BRCA2: variants seen among roughly 807,000 people sequenced by gnomAD.
BRCA2 encodes BRCA2 DNA repair associated.
A neutral mutation model predicts 276.7 loss-of-function variants in BRCA2; 203 were observed. That is an observed-to-expected ratio of 0.73 (90% CI 0.65 to 0.82). The LOEUF (loss-of-function observed/expected upper bound fraction) is 0.82. Among genes scored for constraint, BRCA2 ranks in the 40% least tolerant of loss-of-function variants. The probability of loss-of-function intolerance (pLI) is 0.00; values close to 1 mark genes in which losing one functional copy is unlikely to be tolerated. For missense variants in BRCA2, 3,920 were observed against 3,915.0 expected, an observed-to-expected ratio of 1.00 and a Z score of -0.03; for synonymous variants, 1,289 against 1,338.4, an observed-to-expected ratio of 0.96 and a Z score of 0.81.
chr13:32,320,129 G>T (rs11571588), intron 3 of BRCA2, among the ~76,000 whole-genome samples: 3 of 152,198 alleles, frequency 2.0e-5, no homozygotes, highest in Admixed American at 6.5e-5. Context: ...GTTGGCTTTG[G>T]TTGTTTTGTG....
chr13:32,386,494 AAC>A (rs1322821572), intron 24 of BRCA2, among the ~76,000 whole-genome samples: 2 of 151,764 alleles, frequency 1.3e-5, no homozygotes, highest in East Asian at 1.9e-4. Context: ...GTAATTATTG[AAC>A]AGTTACTCAA....
chr13:32,351,185 C>G (rs1162149077), intron 13 of BRCA2, among the ~76,000 whole-genome samples: 1 of 152,318 alleles, frequency 6.6e-6, no homozygotes, highest in South Asian at 2.1e-4. Flanking sequence ...TGCTGCTGCT[C>G]ACTCTTTAGT....
rs150075007 is a variant in BRCA2 at position 32,395,918 on chromosome 13, T to G, written c.9502-980T>G. ...TTCATTATTTAGTTCCCATACAGCA[T>G]ATCTACTGTTTACACCCCACATTTT... On this transcript the variant is annotated intron_variant, in intron 25 of 26. Transcript: ENST00000380152. 1.3e-3 allele frequency: 335 copies of G among 248,632 alleles called. 7 individuals carry two copies. In the East Asian group the frequency reaches 0.034, roughly 25 times the overall value. The allele number at this position is 248,632 out of a possible 1,614,324, so 15.4% of individuals were successfully genotyped here. A position where few individuals can be genotyped will look rare whatever the true frequency, so the allele number is the denominator to read the frequency against.
At position 32,354,877 on chromosome 13, in the gene BRCA2, C is replaced by G. The variant is rs80358928; in HGVS notation, c.7024C>G (p.Gln2342Glu). Reference protein sequence around the residue: ...CVPFRTTKERQEIQNPNFTAP... With the variant: ...CVPFRTTKEREEIQNPNFTAP... ...CCATTGCAGCACAACTAAGGAACGT[C>G]AAGAGATACAGAATCCAAATTTTAC... The change falls in exon 14 of 27, where the codon CAA becomes GAA. Residue 2342 changes from glutamine (Q) to glutamate (E), a missense_variant. Physicochemically the swap from Gln to Glu is conservative, Grantham distance 29. Around this residue, in one of 2 missense-constraint regions of BRCA2, gnomAD observed 3,263 missense variants for 3,156.9 expected, o/e 1.03. Transcript: ENST00000380152. The G allele has an allele frequency of 1.2e-6, 2 of 1,600,492 alleles. No homozygotes were observed. Among genetic ancestry groups the G allele is most frequent in the Non-Finnish European group, 1.7e-6 (2 of 1,167,714 alleles).
intron 20 of BRCA2, chr13:32,375,412 C>T (rs774728046): frequency 4.4e-6 from 2 of 449,552 alleles, no homozygotes; most frequent in Non-Finnish European, 8.9e-6. Context: ...TTCTGGTAAA[C>T]TTGTTAATGT....
chr13:32,370,908 G>C (rs1245356054), intron 19 of BRCA2, 48 bp from the exon 20 acceptor site: 2 of 1,610,574 alleles, frequency 1.2e-6, no homozygotes, highest in South Asian at 2.2e-5. Flanking sequence ...CAATTAACTT[G>C]AATGTTATAT....
At chr13:32,368,797 T>TG (rs1464859083) in intron 18 of BRCA2, among the ~76,000 whole-genome samples, 198 of 98,892 alleles carry the variant, frequency 2.0e-3, no homozygotes, top group Admixed American at 5.9e-3. Context: ...TTTGTTTTTT[T>TG]GTTTTTTTTT....
In BRCA2 at chr13:32,344,556, A is replaced by C; in HGVS notation, c.6842-2A>C. ...AAACATATATGAAATATTTCTTTTT[A>C]GGAGAACCCTCAATCAAAAGAAACT... On this transcript the variant is annotated splice_acceptor_variant, in intron 11 of 26. Transcript: ENST00000380152. LOFTEE classifies it high-confidence loss of function. The C allele has an allele frequency of 6.6e-7, 1 of 1,505,632 alleles. No homozygotes were observed. The highest frequency in any genetic ancestry group is 2.3e-5 in the East Asian group (1 of 44,240). 93.3% of individuals were successfully genotyped at this position (1,505,632 alleles called of 1,614,324 possible).
chr13:32,353,117 T>C (rs1055299107), intron 13 of BRCA2, among the ~76,000 whole-genome samples: 1 of 152,250 alleles, frequency 6.6e-6, no homozygotes, highest in African/African-American at 2.4e-5. Flanking sequence ...GTCTCTCTCC[T>C]GCATGGATTT....
At chr13:32,385,477 G>T in intron 24 of BRCA2, 1 of 215,262 alleles carries the variant, frequency 4.6e-6, no homozygotes. Context: ...CTTTGTGGAT[G>T]AAGCTCTTGA....
At chr13:32,380,689 C>T (rs1593938653) in intron 24 of BRCA2, among the ~76,000 whole-genome samples, 3 of 151,982 alleles carry the variant, frequency 2.0e-5, no homozygotes, top group East Asian at 1.9e-4. Context: ...TACATATACC[C>T]GCCACCGAGC....
chr13:32,332,981 C>T lies in BRCA2; in HGVS notation c.1503C>T (p.Ile501=), dbSNP rs1566223725. ...TSPVASSFQG[I]KKSIFRIRES... is the part of the protein sequence containing the mutation. ...CAGTGGCTTCTTCATTTCAGGGTAT[C>T]AAAAAGTCTATATTCAGAATAAGAG... Residue 501 remains isoleucine (I), a synonymous_variant, in exon 10 of 27, where the codon ATC becomes ATT. Transcript: ENST00000380152. 2 of 1,594,286 alleles carry T rather than the reference C, an allele frequency of 1.3e-6. No individual in the cohort carries two copies. The highest frequency in any genetic ancestry group is 1.7e-6 in the Non-Finnish European group (2 of 1,175,048).
At position 32,341,046 on chromosome 13, in the gene BRCA2, G is replaced by C. The variant is rs758379999; in HGVS notation, c.6691G>C (p.Ala2231Pro). ...NYFETEAVEI[A>P]KAFMEDDELT... is the part of the protein sequence containing the mutation. ...CTTTGAAACAGAAGCAGTAGAAATT[G>C]CTAAAGCTTTTATGGAAGATGATGA... Residue 2231 changes from alanine (A) to proline (P), a missense_variant, in exon 11 of 27, where the codon GCT becomes CCT. Ala to Pro is a conservative substitution (Grantham distance 27). Around this residue, in one of 2 missense-constraint regions of BRCA2, gnomAD observed 3,263 missense variants for 3,156.9 expected, o/e 1.03. Coordinates refer to ENST00000380152, the MANE Select transcript of BRCA2 (RefSeq NM_000059.4). 1 of 1,613,914 alleles carries C rather than the reference G, an allele frequency of 6.2e-7. No homozygotes were observed. The highest frequency in any genetic ancestry group is 1.7e-5 in the Admixed American group (1 of 60,014).
At chr13:32,382,239 A>G (rs550565374) in intron 24 of BRCA2, among the ~76,000 whole-genome samples, 2 of 152,328 alleles carry the variant, frequency 1.3e-5, no homozygotes, top group Middle Eastern at 3.4e-3. Context: ...GGCATGAGCC[A>G]CTGCACCCGG....
At chr13:32,388,292 G>A (rs2072974874) in intron 24 of BRCA2, among the ~76,000 whole-genome samples, 1 of 151,934 alleles carries the variant, frequency 6.6e-6, no homozygotes, top group South Asian at 2.1e-4. Context: ...CTAATTTTTT[G>A]TATTTTAATA....
Position 32,398,751 on chromosome 13 carries a change from C to A in BRCA2, c.10238C>A (p.Thr3413Lys), listed in dbSNP as rs730881584. The A allele has an allele frequency of 1.9e-6, 3 of 1,613,734 alleles. No homozygotes were observed. Among genetic ancestry groups the A allele is most frequent in the Non-Finnish European group, 2.5e-6 (3 of 1,179,974 alleles). The change falls in exon 27 of 27, where the codon ACA becomes AAA. Residue 3413 changes from threonine (T) to lysine (K), a missense_variant. Coordinates refer to ENST00000380152, the MANE Select transcript of BRCA2 (RefSeq NM_000059.4). ...GAGAAAAATAAGCAGGACACAATTA[C>A]AACTAAAAAATATATCTAAGCATTT... ...ECEKNKQDTI[T>K]TKKYI
Position 32,339,065 on chromosome 13 carries a change from AG to A in BRCA2, c.4711del (p.Glu1571ArgfsTer8). The part of the protein sequence containing the change: ...HQWAKTLKYR[E>X]ACKDLELACE... ...AATGGGCAAAGACCCTAAAGTACAG[AG>A]AGGCCTGTAAAGACCTTGAATTAGC... On this transcript the variant is annotated frameshift_variant, in exon 11 of 27. Coordinates refer to ENST00000380152, the MANE Select transcript of BRCA2 (RefSeq NM_000059.4). LOFTEE classifies it high-confidence loss of function. 1 of 1,614,036 alleles carries A rather than the reference AG, an allele frequency of 6.2e-7. No homozygotes were observed. Among genetic ancestry groups the A allele is most frequent in the Non-Finnish European group, 8.5e-7 (1 of 1,179,942 alleles).
chr13:32,367,739 G>A (rs550120768), intron 18 of BRCA2, among the ~76,000 whole-genome samples: 66 of 152,106 alleles, frequency 4.3e-4, no homozygotes, highest in African/African-American at 1.5e-3. Context: ...AGGTTGCAGC[G>A]AGTTGAGATC....
In BRCA2 at chr13:32,363,449, G is replaced by A. The variant is rs786202060; in HGVS notation, c.8247G>A (p.Gln2749=). 3 of 1,614,198 alleles carry A rather than the reference G, an allele frequency of 1.9e-6. No homozygotes were observed. In the East Asian group the frequency reaches 6.7e-5, roughly 36 times the overall value. ...VLKNGRLTVG[Q]KIILHGAELV... The stretch of plus-strand genomic sequence containing the variant: ...AGAATGGCAGACTGACAGTTGGTCA[G>A]AAGATTATTCTTCATGGAGCAGAAC... The change falls in exon 18 of 27, where the codon CAG becomes CAA. Residue 2749 remains glutamine, a synonymous_variant. Transcript: ENST00000380152.
Sources: allele counts gnomAD v4.1 joint callset (sites outside exome capture counted in the v4.1 genomes callset), GRCh38; gene constraint gnomAD v4.1.1; regional missense constraint gnomAD v4.1.1; transcripts MANE v1.5; gene names NCBI Gene and HGNC (gene_info 2026-07-23, HGNC 2026-07-21).